Variants in PTPRM observed in about 807,000 individuals in gnomAD.
The protein encoded by PTPRM is receptor-type tyrosine-protein phosphatase mu.
In PTPRM, 47 loss-of-function variants were observed where a neutral mutation model predicts 186.7. The ratio of observed to expected loss-of-function variants is 0.25; its 90% CI spans 0.20 to 0.32. The LOEUF is 0.32. Among genes scored for constraint, PTPRM ranks in the 10% least tolerant of loss-of-function variants. PTPRM has a pLI of 1.00. For missense variants in PTPRM, 1,494 were observed against 1,865.0 expected, an observed-to-expected ratio of 0.80 and a Z score of 3.66; for synonymous variants, 668 against 674.9, an observed-to-expected ratio of 0.99 and a Z score of 0.16.
intron 23 of PTPRM, among the ~76,000 whole-genome samples, chr18:8,357,139 G>C (rs923137657): frequency 2.6e-5 from 4 of 152,218 alleles, no homozygotes; most frequent in African/African-American, 9.6e-5. Flanking sequence ...CATGAGGACT[G>C]TCACTCCCTT....
chr18:8,130,044 A>G (rs1023118469), intron 13 of PTPRM, among the ~76,000 whole-genome samples: 9 of 152,160 alleles, frequency 5.9e-5, no homozygotes, highest in African/African-American at 2.2e-4. Flanking sequence ...GTTGTCTTCT[A>G]AGATTCTATC....
At chr18:8,390,785 G>A (rs146640763) in intron 31 of PTPRM, among the ~76,000 whole-genome samples, 63 of 152,010 alleles carry the variant, frequency 4.1e-4, no homozygotes, top group Admixed American at 1.0e-3. Flanking sequence ...AAAATTAGCC[G>A]GGCGCAGTGG....
intron 2 of PTPRM, among the ~76,000 whole-genome samples, chr18:7,872,353 G>T (rs539915145): frequency 2.6e-5 from 4 of 152,102 alleles, no homozygotes; most frequent in Admixed American, 1.3e-4. Context: ...ATTACCATTG[G>T]TCTACTATTC....
At chr18:7,717,427 T>C (rs1214311194) in intron 1 of PTPRM, among the ~76,000 whole-genome samples, 1 of 152,198 alleles carries the variant, frequency 6.6e-6, no homozygotes, top group Non-Finnish European at 1.5e-5. Context: ...ATCCCCTTTT[T>C]GTCTCCCCTT....
intron 2 of PTPRM, among the ~76,000 whole-genome samples, chr18:7,784,909 A>G (rs1372091105): frequency 3.9e-5 from 6 of 152,166 alleles, no homozygotes; most frequent in Non-Finnish European, 8.8e-5. Context: ...GCTGCCACCC[A>G]GTTGGAGGCC....
chr18:7,678,598 G>T (rs974024434), intron 1 of PTPRM, among the ~76,000 whole-genome samples: 2 of 152,070 alleles, frequency 1.3e-5, no homozygotes, highest in African/African-American at 4.8e-5. Context: ...GTATACAGAG[G>T]TATATAAATT....
chr18:7,738,811 C>T (rs2040829328), intron 1 of PTPRM, among the ~76,000 whole-genome samples: 1 of 152,002 alleles, frequency 6.6e-6, no homozygotes, highest in African/African-American at 2.4e-5. Context: ...AGAATTGGGC[C>T]CTTTCTGTTG....
chr18:7,984,602 T>TATATATATATATATATATACACAC (rs1214502563), intron 7 of PTPRM, among the ~76,000 whole-genome samples: 14 of 87,164 alleles, frequency 1.6e-4, no homozygotes, highest in African/African-American at 6.9e-4. Context: ...TATATATATA[T>TATATATATATATATATATACACAC]ACACACACAC....
Position 8,364,334 on chromosome 18 carries a change from C to T in PTPRM, c.3055-6556C>T, listed in dbSNP as rs148788603. Among the ~76,000 whole-genome samples the T allele has an allele frequency of 3.5e-3, 532 of 152,194 alleles. 3 individuals are homozygous for T. Among genetic ancestry groups the T allele is most frequent in the African/African-American group, 0.012 (494 of 41,510 alleles). On this transcript the variant is annotated intron_variant, in intron 23 of 32. Transcript: ENST00000580170. ...GGTGGAAGTCATGGAAGTCACCTGC[C>T]GCATGAGAAGACTGAGGCTCAGGGG... is the stretch of plus-strand genomic sequence containing the variant.
At chr18:7,987,437 A>G (rs551164706) in intron 7 of PTPRM, among the ~76,000 whole-genome samples, 240 of 152,344 alleles carry the variant, frequency 1.6e-3, no homozygotes, top group Non-Finnish European at 3.1e-3. Context: ...TACTTAACGT[A>G]TAACAGACAT....
chr18:8,159,474 C>T (rs1178176113), intron 14 of PTPRM, among the ~76,000 whole-genome samples: 1 of 151,226 alleles, frequency 6.6e-6, no homozygotes, highest in Non-Finnish European at 1.5e-5. Flanking sequence ...AAAAACAAAA[C>T]AAAATTTGAC....
At chr18:7,865,852 C>T (rs956534813) in intron 2 of PTPRM, among the ~76,000 whole-genome samples, 1 of 152,132 alleles carries the variant, frequency 6.6e-6, no homozygotes, top group African/African-American at 2.4e-5. Flanking sequence ...ATTACTGCCT[C>T]AGTTTCAGAA....
chr18:7,820,040 A>G (rs1449758711), intron 2 of PTPRM, among the ~76,000 whole-genome samples: 1 of 152,236 alleles, frequency 6.6e-6, no homozygotes, highest in Non-Finnish European at 1.5e-5. Flanking sequence ...GTGCGTTGCT[A>G]ATAAATACTT....
intron 1 of PTPRM, among the ~76,000 whole-genome samples, chr18:7,658,474 A>T (rs1381117343): frequency 6.6e-6 from 1 of 151,702 alleles, no homozygotes; most frequent in Non-Finnish European, 1.5e-5. Flanking sequence ...CTTACATGGA[A>T]TCAACCAGCC....
intron 2 of PTPRM, among the ~76,000 whole-genome samples, chr18:7,812,514 A>G (rs1397363751): frequency 6.6e-6 from 1 of 152,206 alleles, no homozygotes. Context: ...CAGGAGGGGC[A>G]TGAGCTGCTC....
At chr18:7,753,103 T>C (rs1037160476) in intron 1 of PTPRM, among the ~76,000 whole-genome samples, 1 of 152,144 alleles carries the variant, frequency 6.6e-6, no homozygotes, top group African/African-American at 2.4e-5. Context: ...CAGGTCTCTT[T>C]CTAGCCATAT....
At chr18:8,106,956 G>C (rs768936078) in intron 11 of PTPRM, among the ~76,000 whole-genome samples, 1 of 152,072 alleles carries the variant, frequency 6.6e-6, no homozygotes, top group Non-Finnish European at 1.5e-5. Flanking sequence ...GGAACTTTTC[G>C]GGACTGAAAG....
At chr18:8,301,322 A>G (rs1042310345) in intron 20 of PTPRM, among the ~76,000 whole-genome samples, 5 of 152,146 alleles carry the variant, frequency 3.3e-5, no homozygotes, top group African/African-American at 1.2e-4. Context: ...CCCCTTCCAA[A>G]TATAAACCAA....
chr18:7,727,939 C>T (rs948472668), intron 1 of PTPRM, among the ~76,000 whole-genome samples: 5 of 152,166 alleles, frequency 3.3e-5, no homozygotes, highest in African/African-American at 1.2e-4. Flanking sequence ...ATTTCTGTTA[C>T]AGGCACTAAA....
Sources: allele counts gnomAD v4.1 joint callset (sites outside exome capture counted in the v4.1 genomes callset), GRCh38; gene constraint gnomAD v4.1.1; transcripts MANE v1.5; gene names NCBI Gene and HGNC (gene_info 2026-07-23, HGNC 2026-07-21).